Variants in PALMD observed in about 807,000 individuals in gnomAD.
The protein encoded by PALMD is paralemmin-like protein.
A neutral mutation model predicts 56.2 loss-of-function variants in PALMD; 42 were observed. The ratio of observed to expected loss-of-function variants is 0.75; its 90% CI spans 0.58 to 0.97. PALMD has a LOEUF of 0.97. PALMD is among the 50% of genes least tolerant of loss of function. The pLI, the probability that PALMD is intolerant of heterozygous loss-of-function variation, is 0.00. For missense variants in PALMD, 660 were observed against 643.8 expected, an observed-to-expected ratio of 1.03 and a Z score of -0.27; for synonymous variants, 242 against 222.9, an observed-to-expected ratio of 1.09 and a Z score of -0.76.
chr1:99,658,001 A>C (rs535314019), intron 1 of PALMD, among the ~76,000 whole-genome samples: 1 of 152,172 alleles, frequency 6.6e-6, no homozygotes, highest in African/African-American at 2.4e-5. Context: ...TATTACTACT[A>C]AAGTTGTTAT....
At chr1:99,692,443 A>G (rs1557676829) in intron 7 of PALMD, among the ~76,000 whole-genome samples, 1 of 152,166 alleles carries the variant, frequency 6.6e-6, no homozygotes, top group East Asian at 1.9e-4. Context: ...TAGAAGTAAA[A>G]AAGAGAGCTG....
At position 99,693,473 on chromosome 1, in the gene PALMD, A is replaced by G. The variant is rs147431546; in HGVS notation, c.1613-546A>G. Among the ~76,000 whole-genome samples, 247 of 152,354 alleles carry G rather than the reference A, an allele frequency of 1.6e-3. 1 individual carries two copies. Among genetic ancestry groups the G allele is most frequent in the African/African-American group, 5.5e-3 (230 of 41,600 alleles). ...ATTTGCCATTTTAAAACATACTTATATCTTGACAAAGACATTTTATAATCA... is the reference window on the plus strand; with the variant it reads ...ATTTGCCATTTTAAAACATACTTATGTCTTGACAAAGACATTTTATAATCA... On this transcript the variant is annotated intron_variant, in intron 7 of 7. Transcript: ENST00000263174.
chr1:99,682,986 A>G (rs1479332954), intron 3 of PALMD, among the ~76,000 whole-genome samples: 2 of 148,934 alleles, frequency 1.3e-5, no homozygotes, highest in East Asian at 4.0e-4. Flanking sequence ...AGCCTGGGTG[A>G]CAGAGCAAGA....
At chr1:99,650,427 T>C (rs1239383865) in intron 1 of PALMD, among the ~76,000 whole-genome samples, 1 of 151,722 alleles carries the variant, frequency 6.6e-6, no homozygotes, top group African/African-American at 2.4e-5. Flanking sequence ...TGGAGTTCTT[T>C]ACATAAAACA....
intron 6 of PALMD, among the ~76,000 whole-genome samples, chr1:99,687,693 T>C (rs894923263): frequency 1.3e-5 from 2 of 152,174 alleles, no homozygotes; most frequent in Non-Finnish European, 2.9e-5. Flanking sequence ...AGCTACTCTT[T>C]ATTTGCAGAT....
rs142371450 is a variant in PALMD, at chr1:99,688,870, G to A, written c.610G>A (p.Gly204Ser). 1.2e-5 allele frequency: 20 copies of A among 1,613,300 alleles called. No homozygotes were observed. In the Middle Eastern group the frequency reaches 4.9e-4, roughly 40 times the overall value. ...SIPLPSDDFK[G>S]TGIKVYDDGQ... ...ACCTCTGCCATCAGATGACTTTAAA[G>A]GTACAGGAATAAAAGTTTATGATGA... Residue 204 changes from glycine (G) to serine (S), a missense_variant, in exon 7 of 8, where the codon GGT becomes AGT. Gly to Ser is a moderately conservative substitution (Grantham distance 56). Coordinates refer to ENST00000263174, the MANE Select transcript of PALMD (RefSeq NM_017734.5).
intron 3 of PALMD, among the ~76,000 whole-genome samples, chr1:99,673,771 A>C (rs1354642465): frequency 6.6e-6 from 1 of 152,130 alleles, no homozygotes; most frequent in African/African-American, 2.4e-5. Flanking sequence ...AAGTCTACCC[A>C]CTCCAACCCT....
intron 3 of PALMD, 88 bp downstream of exon 3, chr1:99,667,854 G>A (rs1653002489): frequency 3.3e-6 from 4 of 1,205,248 alleles, no homozygotes; most frequent in South Asian, 1.4e-5. Flanking sequence ...CACTTTCAGG[G>A]GCATAATCAA....
chr1:99,648,441 C>T (rs930098357), intron 1 of PALMD, among the ~76,000 whole-genome samples: 1 of 152,162 alleles, frequency 6.6e-6, no homozygotes, highest in African/African-American at 2.4e-5. Context: ...AATAAAATCA[C>T]AGAGTATGCA....
intron 1 of PALMD, among the ~76,000 whole-genome samples, chr1:99,657,172 ATC>A (rs749999781): frequency 4.2e-4 from 64 of 152,188 alleles, no homozygotes; most frequent in Non-Finnish European, 7.9e-4. Context: ...ACACATCTTT[ATC>A]TCTAGCTCTG....
chr1:99,689,955 T>C, intron 7 of PALMD, 83 bp downstream of exon 7: 1 of 1,304,866 alleles, frequency 7.7e-7, no homozygotes, highest in Non-Finnish European at 1.0e-6. Flanking sequence ...GCTTTCAGGC[T>C]TCTCTGACCA....
chr1:99,679,931 C>T (rs986758091), intron 3 of PALMD, among the ~76,000 whole-genome samples: 2 of 152,160 alleles, frequency 1.3e-5, no homozygotes, highest in African/African-American at 4.8e-5. Context: ...AGGCCAGTGC[C>T]TGGTGCAATG....
chr1:99,689,508 T>C lies in PALMD; in HGVS notation c.1248T>C (p.Ile416=), dbSNP rs947642838. 7 of 1,613,610 alleles carry C rather than the reference T, an allele frequency of 4.3e-6. No individual in the cohort carries two copies. The African/African-American group carries it at 5.3e-5, about 12-fold the overall frequency. ...DINDTEPVTM[I]FMGYQQAEDS... ...ATGATACAGAACCGGTGACAATGAT[T>C]TTCATGGGGTATCAGCAGGCAGAAG... is the stretch of plus-strand genomic sequence containing the variant. The change falls in exon 7 of 8, where the codon ATT becomes ATC. Residue 416 remains isoleucine, a synonymous_variant. Coordinates refer to ENST00000263174, the MANE Select transcript of PALMD (RefSeq NM_017734.5).
intron 6 of PALMD, among the ~76,000 whole-genome samples, chr1:99,688,441 C>G (rs1653563477): frequency 6.6e-6 from 1 of 151,730 alleles, no homozygotes; most frequent in East Asian, 1.9e-4. Flanking sequence ...ATCCATCTTG[C>G]TGAATTTATT....
chr1:99,656,588 T>A (rs1652729202), intron 1 of PALMD, among the ~76,000 whole-genome samples: 1 of 152,208 alleles, frequency 6.6e-6, no homozygotes, highest in Admixed American at 6.5e-5. Context: ...AACTTGCCCC[T>A]TCCAATTGTT....
chr1:99,674,953 G>A (rs7549467), intron 3 of PALMD, among the ~76,000 whole-genome samples: 4,655 of 152,268 alleles, frequency 0.031, 189 homozygotes, highest in African/African-American at 0.099. Flanking sequence ...AGAGTTTCCC[G>A]TGACTAATTT....
intron 3 of PALMD, among the ~76,000 whole-genome samples, chr1:99,681,119 GTGTGTGTGTGTGTGTGTA>G (rs1223716492): frequency 1.8e-4 from 26 of 140,544 alleles, no homozygotes; most frequent in Non-Finnish European, 1.5e-5. Context: ...GTGTGTGTGT[GTGTGTGTGTGTGTGTGTA>G]TGTATATATA....
intron 3 of PALMD, among the ~76,000 whole-genome samples, chr1:99,679,010 G>T (rs1458975001): frequency 6.6e-6 from 1 of 151,902 alleles, no homozygotes; most frequent in Non-Finnish European, 1.5e-5. Context: ...GGGGAATGTT[G>T]GGGGTGGGGG....
At chr1:99,664,373 T>C (rs1045562949) in intron 2 of PALMD, among the ~76,000 whole-genome samples, 1 of 152,206 alleles carries the variant, frequency 6.6e-6, no homozygotes, top group African/African-American at 2.4e-5. Context: ...TATGGATGTA[T>C]ATAGGGCCTT....
Sources: gnomAD v4.1 joint callset for allele counts (sites outside exome capture counted in the v4.1 genomes callset) on GRCh38, gnomAD v4.1.1 for gene constraint, MANE v1.5 for transcripts, NCBI Gene and HGNC (gene_info 2026-07-23, HGNC 2026-07-21) for gene names.